UBASH3B: variants seen among roughly 807,000 people sequenced by gnomAD.
UBASH3B encodes the protein ubiquitin-associated and SH3 domain-containing protein B.
A neutral mutation model predicts 83.4 loss-of-function variants in UBASH3B; 37 were observed. That is an observed-to-expected ratio of 0.44 (90% CI 0.34 to 0.58). The LOEUF (loss-of-function observed/expected upper bound fraction) is 0.58. Among genes scored for constraint, UBASH3B ranks in the 20% least tolerant of loss-of-function variants. The pLI, the probability that UBASH3B is intolerant of heterozygous loss-of-function variation, is 0.01. For synonymous variants in UBASH3B, 304 were observed against 318.3 expected (o/e 0.96, Z 0.48); for missense variants, 657 against 827.2 (o/e 0.79, Z 2.52).
In UBASH3B at chr11:122,809,915, C is replaced by T. The variant is rs755572562; in HGVS notation, c.*29C>T. 6.2e-7 allele frequency: 1 copy of T among 1,610,018 alleles called. No homozygotes were observed. The highest frequency in any genetic ancestry group is 1.7e-5 in the Admixed American group (1 of 59,046). On this transcript the variant is annotated 3_prime_UTR_variant, in exon 14 of 14. Coordinates refer to ENST00000284273, the MANE Select transcript of UBASH3B (RefSeq NM_032873.5). ...ACACCAGTGAACAAGAAGGAAAGGC[C>T]TTTTGGAGTGTGTCTTTCTGTGTGT...
intron 1 of UBASH3B, among the ~76,000 whole-genome samples, chr11:122,747,081 G>A (rs1236578348): frequency 6.6e-6 from 1 of 152,188 alleles, no homozygotes; most frequent in Non-Finnish European, 1.5e-5. Context: ...GGGTGGGGGT[G>A]GTCACCGGAG....
chr11:122,735,795 C>G (rs4936734), intron 1 of UBASH3B, among the ~76,000 whole-genome samples: 48,010 of 152,006 alleles, frequency 0.32, 9,075 homozygotes, highest in Middle Eastern at 0.49. Context: ...ATGAGGGAGG[C>G]AGAGTTCAGA....
In UBASH3B at chr11:122,810,135, C is replaced by T. The variant is rs895263312; in HGVS notation, c.*249C>T. ...GCTTTGGAGAATTGTCTTCCTAAAT[C>T]GGGGCACCTGCTACAGAAGAGAATG... is the stretch of plus-strand genomic sequence containing the variant. On this transcript the variant is annotated 3_prime_UTR_variant, in exon 14 of 14. Transcript: ENST00000284273. 3.8e-4 allele frequency: 161 copies of T among 426,164 alleles called. 1 individual carries two copies. Among genetic ancestry groups the T allele is most frequent in the South Asian group, 2.9e-3 (87 of 30,278 alleles). The allele number at this position is 426,164 out of a possible 1,614,324, so 26.4% of individuals were successfully genotyped here. A position where few individuals can be genotyped will look rare whatever the true frequency, so the allele number is the denominator to read the frequency against.
intron 11 of UBASH3B, among the ~76,000 whole-genome samples, chr11:122,804,658 A>G (rs1861307559): frequency 6.6e-6 from 1 of 152,148 alleles, no homozygotes; most frequent in South Asian, 2.1e-4. Context: ...CAAGCAGGAC[A>G]CTCGCACAGA....
intron 1 of UBASH3B, among the ~76,000 whole-genome samples, chr11:122,771,572 A>G (rs1292241025): frequency 1.3e-5 from 2 of 152,170 alleles, no homozygotes; most frequent in Non-Finnish European, 1.5e-5. Flanking sequence ...CAGATCAAGC[A>G]TCATTTCTTT....
At position 122,806,599 on chromosome 11, in the gene UBASH3B, A is replaced by G; in HGVS notation, c.1702+83A>G. 2.9e-6 allele frequency: 4 copies of G among 1,397,306 alleles called. No individual in the cohort carries two copies. Among genetic ancestry groups the G allele is most frequent in the East Asian group, 2.8e-5 (1 of 35,370 alleles). The allele number at this position is 1,397,306 out of a possible 1,614,324, so 86.6% of individuals were successfully genotyped here. ...TTAATAGGTTATTCAAGATGTTTCA[A>G]CTTGCTTTGGCTAACCAAAGAAATG... On this transcript the variant is annotated intron_variant, in intron 12 of 13. Coordinates refer to ENST00000284273, the MANE Select transcript of UBASH3B (RefSeq NM_032873.5). The surrounding 1 kb of genome is among the most constrained non-coding windows in gnomAD (Gnocchi z 4.0).
intron 8 of UBASH3B, 72 bp downstream of exon 8, chr11:122,796,348 G>A (rs917187654): frequency 1.3e-6 from 2 of 1,577,658 alleles, no homozygotes; most frequent in Non-Finnish European, 8.6e-7. Context: ...TCAAGCTACA[G>A]TTATCTAGAT....
intron 1 of UBASH3B, among the ~76,000 whole-genome samples, chr11:122,690,203 T>TCCAA (rs1863871823): frequency 4.4e-5 from 1 of 22,866 alleles, no homozygotes; most frequent in Non-Finnish European, 9.7e-5. Flanking sequence ...TATATATATA[T>TCCAA]ATATATCCAA....
In UBASH3B at chr11:122,810,542, C is replaced by G. The variant is rs548135142; in HGVS notation, c.*656C>G. ...GGCCCTTCTTGCTACAGCCCTATCC[C>G]CCCTCCTTGCTTCTGTGAAATGGGG... On this transcript the variant is annotated 3_prime_UTR_variant, in exon 14 of 14. Transcript: ENST00000284273. 7 of 150,862 alleles carry G rather than the reference C, an allele frequency of 4.6e-5. No individual in the cohort carries two copies. The East Asian group carries it at 7.8e-4, about 17-fold the overall frequency. The allele number at this position is 150,862 out of a possible 1,614,324, so 9.3% of individuals were successfully genotyped here.
chr11:122,808,140 T>C lies in UBASH3B; in HGVS notation c.1776T>C (p.Pro592=). 6.2e-7 allele frequency: 1 copy of C among 1,614,172 alleles called. No homozygotes were observed. Among genetic ancestry groups the C allele is most frequent in the Non-Finnish European group, 8.5e-7 (1 of 1,180,006 alleles). Residue 592 remains proline, a synonymous_variant, in exon 13 of 14, where the codon CCT becomes CCC. Transcript: ENST00000284273. ...ACTCQLQGLS[P]QNSKDFVQMV... The stretch of plus-strand genomic sequence containing the variant: ...CCTGCCAACTTCAGGGCCTGTCACC[T>C]CAGAACTCCAAGGACTTCGTACAAA...
chr11:122,776,325 C>A, intron 2 of UBASH3B, 53 bp downstream of exon 2: 1 of 1,518,430 alleles, frequency 6.6e-7, no homozygotes. Flanking sequence ...ACTCAAAGTG[C>A]ATGTGGATGA....
intron 1 of UBASH3B, among the ~76,000 whole-genome samples, chr11:122,688,806 G>A (rs1486004105): frequency 1.3e-5 from 2 of 151,874 alleles, no homozygotes; most frequent in Non-Finnish European, 2.9e-5. Flanking sequence ...CACCACGCCC[G>A]GCTAATTTTT....
At chr11:122,777,823 G>A (rs185518631) in intron 3 of UBASH3B, among the ~76,000 whole-genome samples, 6 of 152,196 alleles carry the variant, frequency 3.9e-5, no homozygotes, top group South Asian at 2.1e-4. Context: ...TCCACCTCTC[G>A]AATTCAAGCG....
Position 122,813,925 on chromosome 11 carries a change from T to C in UBASH3B, c.*4039T>C, listed in dbSNP as rs927466032. The C allele has an allele frequency of 1.3e-5, 2 of 152,164 alleles. No homozygotes were observed. Among genetic ancestry groups the C allele is most frequent in the African/African-American group, 4.8e-5 (2 of 41,424 alleles). 9.4% of individuals were successfully genotyped at this position (152,164 alleles called of 1,614,324 possible). A position where few individuals can be genotyped will look rare whatever the true frequency, so the allele number is the denominator to read the frequency against. ...TAACTTCATTTTTAAGTACAAATAA[T>C]AGTAGGATTGGTGTATGTAGGTTTA... On this transcript the variant is annotated 3_prime_UTR_variant, in exon 14 of 14. Transcript: ENST00000284273.
At chr11:122,780,895 G>A (rs192847003) in intron 4 of UBASH3B, among the ~76,000 whole-genome samples, 1 of 152,218 alleles carries the variant, frequency 6.6e-6, no homozygotes, top group Non-Finnish European at 1.5e-5. Context: ...GTGCCAGAGA[G>A]GGGGAAGACC....
intron 1 of UBASH3B, among the ~76,000 whole-genome samples, chr11:122,661,886 T>G (rs1188014348): frequency 1.4e-5 from 2 of 144,580 alleles, no homozygotes; most frequent in East Asian, 4.1e-4. Flanking sequence ...AAAAAAAAAA[T>G]ACCTTGATAT....
At chr11:122,755,077 C>T (rs773553768) in intron 1 of UBASH3B, among the ~76,000 whole-genome samples, 8 of 152,180 alleles carry the variant, frequency 5.3e-5, no homozygotes, top group Non-Finnish European at 5.9e-5. Context: ...CCTTGGTTCC[C>T]TCCACCATGC....
At chr11:122,792,165 A>G (rs537449551) in intron 6 of UBASH3B, among the ~76,000 whole-genome samples, 148 of 152,184 alleles carry the variant, frequency 9.7e-4, no homozygotes, top group Non-Finnish European at 1.6e-3. Flanking sequence ...GAGACGAAGG[A>G]GGGAGAGAAG....
intron 1 of UBASH3B, among the ~76,000 whole-genome samples, chr11:122,748,483 C>T (rs978975739): frequency 3.3e-5 from 5 of 152,176 alleles, no homozygotes; most frequent in African/African-American, 7.2e-5. Context: ...CTTGCTTTTC[C>T]CTCAGTGGAA....
Sources: gnomAD v4.1 joint callset for allele counts (sites outside exome capture counted in the v4.1 genomes callset) on GRCh38, gnomAD v4.1.1 for gene constraint, Gnocchi (gnomAD v3.1) non-coding constraint, MANE v1.5 for transcripts, NCBI Gene and HGNC (gene_info 2026-07-23, HGNC 2026-07-21) for gene names.